Variants in FRMD5 observed in about 807,000 individuals in gnomAD.
FRMD5 encodes FERM domain containing 5, also known as FERM domain-containing protein 5.
FRMD5 carries 20 observed loss-of-function variants against 69.0 expected under a neutral mutation model. That is an observed-to-expected ratio of 0.29 (90% CI 0.20 to 0.42). FRMD5 has a LOEUF of 0.42. Ranked by LOEUF, FRMD5 falls within the 10% of genes least tolerant of loss-of-function variation. FRMD5 has a pLI of 1.00. For synonymous variants in FRMD5, 271 were observed against 260.1 expected (o/e 1.04, Z -0.40); for missense variants, 595 against 708.6 (o/e 0.84, Z 1.82).
chr15:43,875,362 AAATATATAT>A (rs1435159820), intron 13 of FRMD5, among the ~76,000 whole-genome samples: 2 of 106,512 alleles, frequency 1.9e-5, no homozygotes, highest in African/African-American at 6.9e-5. Flanking sequence ...AAAAAAAAAA[AAATATATAT>A]ATATATATAT....
chr15:44,188,605 A>G (rs1301062546), intron 1 of FRMD5, among the ~76,000 whole-genome samples: 1 of 152,192 alleles, frequency 6.6e-6, no homozygotes, highest in East Asian at 1.9e-4. Flanking sequence ...CCCAGGTGAT[A>G]TGGATAATGC....
At chr15:44,113,400 T>C (rs2076826478) in intron 1 of FRMD5, among the ~76,000 whole-genome samples, 1 of 152,216 alleles carries the variant, frequency 6.6e-6, no homozygotes, top group African/African-American at 2.4e-5. Context: ...CTTTTTAATT[T>C]TTGTGGGTAC....
intron 8 of FRMD5, among the ~76,000 whole-genome samples, chr15:43,889,813 G>A (rs1401008007): frequency 1.3e-5 from 2 of 152,096 alleles, no homozygotes; most frequent in African/African-American, 4.8e-5. Flanking sequence ...GTCACTGGAG[G>A]CCCCATTTTT....
intron 1 of FRMD5, among the ~76,000 whole-genome samples, chr15:43,982,116 G>A (rs1438845797): frequency 6.6e-6 from 1 of 152,094 alleles, no homozygotes; most frequent in Non-Finnish European, 1.5e-5. Flanking sequence ...TGGGGTTCTC[G>A]TCCATAGGGT....
intron 1 of FRMD5, among the ~76,000 whole-genome samples, chr15:44,089,528 C>A (rs757640207): frequency 1.3e-5 from 2 of 151,988 alleles, no homozygotes; most frequent in Non-Finnish European, 2.9e-5. Flanking sequence ...CATGGCAAAA[C>A]CCTGTCTCTA....
chr15:44,156,651 C>T (rs2077533762), intron 1 of FRMD5, among the ~76,000 whole-genome samples: 1 of 152,190 alleles, frequency 6.6e-6, no homozygotes, highest in Admixed American at 6.5e-5. Flanking sequence ...CTATTAGACC[C>T]AGATAGGCTT....
At chr15:44,014,288 T>C (rs1890856837) in intron 1 of FRMD5, among the ~76,000 whole-genome samples, 1 of 152,118 alleles carries the variant, frequency 6.6e-6, no homozygotes, top group Non-Finnish European at 1.5e-5. Flanking sequence ...CTAAGGCTGG[T>C]ATTCATCCAA....
chr15:44,005,328 G>A (rs865877586), intron 1 of FRMD5, among the ~76,000 whole-genome samples: 4 of 151,892 alleles, frequency 2.6e-5, no homozygotes, highest in East Asian at 1.9e-4. Context: ...AAAATCAGCC[G>A]GGCATGGTGG....
chr15:44,154,941 A>G (rs2077503421), intron 1 of FRMD5, among the ~76,000 whole-genome samples: 1 of 152,224 alleles, frequency 6.6e-6, no homozygotes, highest in East Asian at 1.9e-4. Context: ...ATTATGTCTC[A>G]AGAAAGTTAT....
intron 4 of FRMD5, among the ~76,000 whole-genome samples, chr15:43,910,664 C>T (rs1021286992): frequency 6.6e-6 from 1 of 151,396 alleles, no homozygotes; most frequent in Non-Finnish European, 1.5e-5. Context: ...GCCAGCACCT[C>T]TTTAAATACA....
At chr15:44,137,445 C>T (rs900236184) in intron 1 of FRMD5, among the ~76,000 whole-genome samples, 24 of 152,160 alleles carry the variant, frequency 1.6e-4, no homozygotes, top group African/African-American at 9.7e-5. Context: ...CTGTGCCCTA[C>T]CACCCTCTCC....
intron 1 of FRMD5, among the ~76,000 whole-genome samples, chr15:43,958,272 C>T (rs984642269): frequency 6.6e-6 from 1 of 151,976 alleles, no homozygotes; most frequent in East Asian, 1.9e-4. Flanking sequence ...CTGAGAGCTG[C>T]TCATGCCTTT....
At chr15:43,946,017 T>C (rs1411584750) in intron 1 of FRMD5, among the ~76,000 whole-genome samples, 2 of 151,346 alleles carry the variant, frequency 1.3e-5, no homozygotes, top group Non-Finnish European at 2.9e-5. Context: ...ATTGCACCAC[T>C]GCACTCCAGC....
At chr15:44,181,500 A>T (rs1225651088) in intron 1 of FRMD5, among the ~76,000 whole-genome samples, 1 of 152,204 alleles carries the variant, frequency 6.6e-6, no homozygotes. Context: ...ATTAGCACTG[A>T]AATTTAATTC....
intron 1 of FRMD5, among the ~76,000 whole-genome samples, chr15:44,174,365 T>C (rs1415314647): frequency 6.6e-6 from 1 of 152,224 alleles, no homozygotes; most frequent in Non-Finnish European, 1.5e-5. Flanking sequence ...TTGTCAATGT[T>C]CATCAAAACT....
chr15:43,968,416 T>C (rs1464178327), intron 1 of FRMD5, among the ~76,000 whole-genome samples: 3 of 152,216 alleles, frequency 2.0e-5, no homozygotes, highest in African/African-American at 2.4e-5. Flanking sequence ...ATGTGAGAAG[T>C]TGAAGAGCAA....
At chr15:43,934,371 C>T (rs2140472185) in intron 1 of FRMD5, among the ~76,000 whole-genome samples, 1 of 152,308 alleles carries the variant, frequency 6.6e-6, no homozygotes, top group South Asian at 2.1e-4. Flanking sequence ...CTCTTATGTG[C>T]TCAAAATCCT....
At chr15:44,161,519 A>T (rs1337717667) in intron 1 of FRMD5, among the ~76,000 whole-genome samples, 1 of 152,242 alleles carries the variant, frequency 6.6e-6, no homozygotes, top group Non-Finnish European at 1.5e-5. Flanking sequence ...ACTGGGCAAC[A>T]TGCTTAACTA....
rs1491128644 is a variant in FRMD5 at position 43,875,406 on chromosome 15, CAA to C, written c.1136-946_1136-945del. On this transcript the variant is annotated intron_variant, in intron 13 of 13. Transcript: ENST00000417257. Reference sequence around the variant, plus strand: ...TATATATATATATGTATGTATGAAACAAGAGAAGGCACAGAAATCACAGTGGC... The same window carrying C: ...TATATATATATATGTATGTATGAAACGAGAAGGCACAGAAATCACAGTGGC... 4.0e-5 allele frequency among the ~76,000 whole-genome samples: 4 copies of C among 100,522 alleles called. No homozygotes were observed. The South Asian group carries it at 1.3e-3, about 33-fold the overall frequency. The allele number at this position is 100,522 out of a possible 152,430, so 65.9% of individuals were successfully genotyped here. A position where few individuals can be genotyped will look rare whatever the true frequency, so the allele number is the denominator to read the frequency against.
Sources: allele counts gnomAD v4.1 joint callset (sites outside exome capture counted in the v4.1 genomes callset), GRCh38; gene constraint gnomAD v4.1.1; transcripts MANE v1.5; gene names NCBI Gene and HGNC (gene_info 2026-07-23, HGNC 2026-07-21).